Variants in UNC79 observed in about 807,000 individuals in gnomAD.
The protein encoded by UNC79 is unc-79 subunit of NALCN channel complex.
Under a neutral mutation model 283.1 loss-of-function variants are expected in UNC79, and 37 were observed. That is an observed-to-expected ratio of 0.13 (90% CI 0.10 to 0.17). UNC79 has a LOEUF of 0.17. Ranked by LOEUF, UNC79 falls within the 10% of genes least tolerant of loss-of-function variation. UNC79 has a pLI of 1.00. For missense variants in UNC79, 2,272 were observed against 3,211.1 expected (o/e 0.71, Z 7.07); for synonymous variants, 1,107 against 1,200.2 (o/e 0.92, Z 1.61).
chr14:93,458,231 A>G (rs979943144), intron 1 of UNC79, among the ~76,000 whole-genome samples: 10 of 152,266 alleles, frequency 6.6e-5, no homozygotes, highest in African/African-American at 2.2e-4. Context: ...ATTAGGACAT[A>G]TACTATCAAA....
At chr14:93,620,775 G>T (rs1314189820) in intron 29 of UNC79, 117 bp from the exon 31 acceptor site, 2 of 304,790 alleles carry the variant, frequency 6.6e-6, no homozygotes, top group Non-Finnish European at 1.3e-5. Flanking sequence ...GACTTGGGCT[G>T]GTGCAGAAAC....
chr14:93,441,668 C>A (rs1375177559), intron 1 of UNC79, among the ~76,000 whole-genome samples: 2 of 151,972 alleles, frequency 1.3e-5, no homozygotes, highest in East Asian at 3.9e-4. Context: ...TCCTTCTAAC[C>A]CAGTATCTGA....
At chr14:93,600,679 G>C (rs754406521) in exon 25 of UNC79, 2 of 1,613,914 alleles carry the variant, frequency 1.2e-6, no homozygotes, top group Non-Finnish European at 1.7e-6. Context: ...TTCCTGCTCT[G>C]AGCTGGGAGT....
In UNC79 at chr14:93,395,124, C is replaced by T. The variant is rs139067013; in HGVS notation, c.-351+61601C>T. 5.8e-3 allele frequency among the ~76,000 whole-genome samples: 880 copies of T among 152,174 alleles called. 5 individuals carry two copies. The highest frequency in any genetic ancestry group is 0.02 in the African/African-American group (824 of 41,528). On this transcript the variant is annotated intron_variant, in intron 1 of 49. Transcript: ENST00000256339. ...TTCTGTGCTTTTTATTTCTCCTTGTCGATTTCAGTTACTCTCTAGGGTTCT... is the reference window on the plus strand; with the variant it reads ...TTCTGTGCTTTTTATTTCTCCTTGTTGATTTCAGTTACTCTCTAGGGTTCT...
At chr14:93,524,097 A>G (rs372109568) in intron 8 of UNC79, 55 bp downstream of exon 8, 56 of 1,588,720 alleles carry the variant, frequency 3.5e-5, no homozygotes, top group Non-Finnish European at 4.3e-5. Context: ...CAAATTGCTG[A>G]ATGAAGTGGA....
At chr14:93,568,288 G>A (rs945061433) in intron 14 of UNC79, among the ~76,000 whole-genome samples, 1 of 152,144 alleles carries the variant, frequency 6.6e-6, no homozygotes, top group Non-Finnish European at 1.5e-5. Context: ...GGAGAGCTGA[G>A]CCAAGCTCCA....
intron 31 of UNC79, among the ~76,000 whole-genome samples, chr14:93,631,229 G>A (rs2068007492): frequency 6.6e-6 from 1 of 152,122 alleles, no homozygotes; most frequent in Admixed American, 6.5e-5. Context: ...AACAGGTTTT[G>A]GGGCACATGA....
intron 1 of UNC79, among the ~76,000 whole-genome samples, chr14:93,406,063 T>G (rs1320514350): frequency 6.6e-6 from 1 of 152,192 alleles, no homozygotes; most frequent in Non-Finnish European, 1.5e-5. Context: ...TTAATCCCTA[T>G]TTTATATAAA....
At chr14:93,488,968 G>A (rs1208460318) in intron 5 of UNC79, among the ~76,000 whole-genome samples, 3 of 152,138 alleles carry the variant, frequency 2.0e-5, no homozygotes, top group African/African-American at 7.2e-5. Context: ...AAGATACAGA[G>A]TCTTACTCTG....
chr14:93,492,275 G>A (rs1376248544), intron 5 of UNC79, among the ~76,000 whole-genome samples: 3 of 152,044 alleles, frequency 2.0e-5, no homozygotes, highest in African/African-American at 7.2e-5. Flanking sequence ...TTTATCAGAA[G>A]GAGGGAGCTG....
intron 40 of UNC79, among the ~76,000 whole-genome samples, chr14:93,668,531 C>T (rs193174352): frequency 2.7e-5 from 4 of 149,722 alleles, no homozygotes; most frequent in Admixed American, 6.6e-5. Context: ...GGCAACAAGG[C>T]GAGACTCCAT....
At chr14:93,515,452 T>C (rs2060010943) in intron 7 of UNC79, among the ~76,000 whole-genome samples, 1 of 152,166 alleles carries the variant, frequency 6.6e-6, no homozygotes, top group Non-Finnish European at 1.5e-5. Flanking sequence ...TGTCTTCTTG[T>C]TTGTGTGGTT....
chr14:93,680,419 C>T (rs2140796149), intron 41 of UNC79, among the ~76,000 whole-genome samples: 1 of 152,308 alleles, frequency 6.6e-6, no homozygotes, highest in African/African-American at 2.4e-5. Context: ...AAGTGAGCCC[C>T]TTACCTCGCA....
At chr14:93,610,392 T>C (rs1245708305) in intron 26 of UNC79, among the ~76,000 whole-genome samples, 2 of 152,176 alleles carry the variant, frequency 1.3e-5, no homozygotes, top group African/African-American at 4.8e-5. Flanking sequence ...GAGTGATACA[T>C]GTTCTCTTCA....
At chr14:93,696,060 A>G (rs989062650) in intron 47 of UNC79, among the ~76,000 whole-genome samples, 1 of 152,078 alleles carries the variant, frequency 6.6e-6, no homozygotes, top group Non-Finnish European at 1.5e-5. Flanking sequence ...AAGTGGATTC[A>G]TACAGTATAT....
chr14:93,658,037 G>A (rs1366132502), intron 38 of UNC79, among the ~76,000 whole-genome samples: 1 of 152,150 alleles, frequency 6.6e-6, no homozygotes, highest in Non-Finnish European at 1.5e-5. Flanking sequence ...TAGTGTAAAT[G>A]TCACATCAAC....
chr14:93,442,690 G>A (rs977622334), intron 1 of UNC79, among the ~76,000 whole-genome samples: 3 of 151,994 alleles, frequency 2.0e-5, no homozygotes, highest in African/African-American at 4.8e-5. Flanking sequence ...TTTTGTTTAC[G>A]TGGAAATAGT....
At chr14:93,669,888 A>G (rs1006761770) in intron 40 of UNC79, among the ~76,000 whole-genome samples, 1 of 152,176 alleles carries the variant, frequency 6.6e-6, no homozygotes, top group African/African-American at 2.4e-5. Flanking sequence ...ATATCTTCCT[A>G]ACAAAGCATT....
intron 1 of UNC79, among the ~76,000 whole-genome samples, chr14:93,422,587 A>G (rs922599842): frequency 5.9e-5 from 9 of 152,290 alleles, no homozygotes; most frequent in Non-Finnish European, 1.2e-4. Flanking sequence ...GGAGGGGTTC[A>G]TTCAGATGGT....
Sources: gnomAD v4.1 joint callset for allele counts (sites outside exome capture counted in the v4.1 genomes callset) on GRCh38, gnomAD v4.1.1 for gene constraint, MANE v1.5 for transcripts, NCBI Gene and HGNC (gene_info 2026-07-23, HGNC 2026-07-21) for gene names.